The following MYRIP variants were observed in gnomAD, a reference collection of about 807,000 sequenced individuals.
The protein encoded by MYRIP is myosin VIIA and Rab interacting protein.
MYRIP carries 49 observed loss-of-function variants against 98.0 expected under a neutral mutation model. That is an observed-to-expected ratio of 0.50 (90% CI 0.40 to 0.63). The LOEUF (loss-of-function observed/expected upper bound fraction) is 0.63. MYRIP is among the 30% of genes least tolerant of loss of function. The pLI, the probability that MYRIP is intolerant of heterozygous loss-of-function variation, is 0.00. For synonymous variants in MYRIP, 404 were observed against 409.5 expected (o/e 0.99, Z 0.16); for missense variants, 1,004 against 1,058.2 (o/e 0.95, Z 0.71).
intron 2 of MYRIP, among the ~76,000 whole-genome samples, chr3:39,990,583 ATTG>A (rs1946149694): frequency 6.6e-6 from 1 of 152,224 alleles, no homozygotes; most frequent in African/African-American, 2.4e-5. Context: ...GCTGATACTA[ATTG>A]TTGTTACATT....
At chr3:40,015,037 C>T (rs926499534) in intron 2 of MYRIP, among the ~76,000 whole-genome samples, 1 of 152,088 alleles carries the variant, frequency 6.6e-6, no homozygotes, top group Non-Finnish European at 1.5e-5. Flanking sequence ...ATTTGCTTTT[C>T]CTAGTGGGGC....
At position 40,164,866 on chromosome 3, in the gene MYRIP, A is replaced by C. The variant is rs533326342; in HGVS notation, c.551-1980A>C. On this transcript the variant is annotated intron_variant, in intron 5 of 16. Transcript: ENST00000302541. Reference sequence around the variant, plus strand: ...TCCAGGGATCCACACAGATATCTCTATCACACAGATAGTTATGCATATCTC... The same window carrying C: ...TCCAGGGATCCACACAGATATCTCTCTCACACAGATAGTTATGCATATCTC... Among the ~76,000 whole-genome samples the C allele has an allele frequency of 3.7e-4, 56 of 152,330 alleles. No individual in the cohort carries two copies. The South Asian group carries it at 0.011, about 29-fold the overall frequency.
At chr3:40,153,876 T>C (rs911196979) in intron 4 of MYRIP, among the ~76,000 whole-genome samples, 1 of 152,138 alleles carries the variant, frequency 6.6e-6, no homozygotes, top group Non-Finnish European at 1.5e-5. Flanking sequence ...GCACAGTGGC[T>C]CTCGCCTGTA....
chr3:39,958,569 A>G (rs972666816), intron 2 of MYRIP, among the ~76,000 whole-genome samples: 5 of 152,222 alleles, frequency 3.3e-5, no homozygotes, highest in African/African-American at 9.6e-5. Flanking sequence ...CTAAATCCAT[A>G]AAAACCATAG....
chr3:40,135,295 A>C (rs180992615), intron 3 of MYRIP, among the ~76,000 whole-genome samples: 1 of 151,952 alleles, frequency 6.6e-6, no homozygotes, highest in Admixed American at 6.5e-5. Flanking sequence ...GATGGAAGAC[A>C]AAATGAATGA....
At chr3:39,903,828 G>A (rs949219922) in intron 2 of MYRIP, among the ~76,000 whole-genome samples, 2 of 152,152 alleles carry the variant, frequency 1.3e-5, no homozygotes, top group African/African-American at 4.8e-5. Context: ...TCTCCATTAC[G>A]TAGACTGGGT....
intron 5 of MYRIP, among the ~76,000 whole-genome samples, chr3:40,166,585 T>C (rs924411051): frequency 2.0e-5 from 3 of 152,134 alleles, no homozygotes; most frequent in Non-Finnish European, 2.9e-5. Flanking sequence ...AGCTCAGTTA[T>C]GGAGCAAGAG....
At chr3:40,141,431 T>C (rs1308781214) in intron 3 of MYRIP, among the ~76,000 whole-genome samples, 2 of 152,238 alleles carry the variant, frequency 1.3e-5, no homozygotes, top group African/African-American at 4.8e-5. Context: ...GTTTCCTTTG[T>C]TGTGCAGAAG....
intron 2 of MYRIP, among the ~76,000 whole-genome samples, chr3:39,919,693 GGTGTGTGTGTGTGTGTGTGTGTGTGT>G (rs62719862): frequency 7.0e-6 from 1 of 143,266 alleles, no homozygotes; most frequent in Non-Finnish European, 1.5e-5. Flanking sequence ...GGGTATGTGT[GGTGTGTGTGTGTGTGTGTGTGTGTGT>G]GTGTGTGTGA....
At chr3:39,854,579 C>T (rs1055391283) in intron 1 of MYRIP, among the ~76,000 whole-genome samples, 1 of 152,000 alleles carries the variant, frequency 6.6e-6, no homozygotes, top group Non-Finnish European at 1.5e-5. Context: ...AGTTGGTTTT[C>T]CTCTTTCTCT....
chr3:40,210,283 G>A (rs762351234), intron 11 of MYRIP, among the ~76,000 whole-genome samples, 190 bp downstream of exon 11: 1 of 152,178 alleles, frequency 6.6e-6, no homozygotes, highest in South Asian at 2.1e-4. Flanking sequence ...CAGGAAAACA[G>A]CATCATGGAA....
chr3:39,918,306 T>G lies in MYRIP; in HGVS notation c.110+17380T>G, dbSNP rs549545754. 2.2e-3 allele frequency among the ~76,000 whole-genome samples: 331 copies of G among 152,326 alleles called. 2 individuals carry two copies. The highest frequency in any genetic ancestry group is 7.5e-3 in the African/African-American group (311 of 41,556). On this transcript the variant is annotated intron_variant, in intron 2 of 16. Transcript: ENST00000302541. ...TCTATATTTAATCATATTTTCTAAC[T>G]CTGATTATTTAAAGTTAGCAATGGC...
chr3:39,931,832 C>T (rs538104125), intron 2 of MYRIP, among the ~76,000 whole-genome samples: 1 of 152,174 alleles, frequency 6.6e-6, no homozygotes, highest in African/African-American at 2.4e-5. Flanking sequence ...GATGTTATAC[C>T]AATTTTGCAT....
intron 8 of MYRIP, among the ~76,000 whole-genome samples, chr3:40,175,412 A>G (rs972060658): frequency 6.6e-5 from 10 of 152,216 alleles, no homozygotes; most frequent in Non-Finnish European, 1.5e-4. Context: ...ATACCCCAAC[A>G]GCAATGACAG....
chr3:39,809,358 C>A (rs1056063436), upstream of MYRIP, among the ~76,000 whole-genome samples: 110 of 150,328 alleles, frequency 7.3e-4, no homozygotes, highest in Non-Finnish European at 1.4e-3. Context: ...CCGCCCCGGG[C>A]GCGCGCAGCC....
chr3:39,827,983 T>C (rs1487516330), intron 1 of MYRIP, among the ~76,000 whole-genome samples: 1 of 152,168 alleles, frequency 6.6e-6, no homozygotes, highest in African/African-American at 2.4e-5. Context: ...CCCTTATATG[T>C]GACTTGATGC....
chr3:40,042,893 T>G (rs1947573523), intron 2 of MYRIP, among the ~76,000 whole-genome samples: 1 of 152,142 alleles, frequency 6.6e-6, no homozygotes, highest in African/African-American at 2.4e-5. Context: ...CCCAGAACAC[T>G]TACATTAGCC....
chr3:39,851,541 A>G (rs1942130349), intron 1 of MYRIP, among the ~76,000 whole-genome samples: 1 of 152,190 alleles, frequency 6.6e-6, no homozygotes, highest in South Asian at 2.1e-4. Flanking sequence ...GTCACCAAGT[A>G]TGGCCAACAG....
chr3:39,924,480 T>G (rs1006985034), intron 2 of MYRIP, among the ~76,000 whole-genome samples: 8 of 151,964 alleles, frequency 5.3e-5, no homozygotes, highest in Admixed American at 2.6e-4. Context: ...TGAAAATATG[T>G]AAAATTTAAA....
Sources: gnomAD v4.1 joint callset for allele counts (sites outside exome capture counted in the v4.1 genomes callset) on GRCh38, gnomAD v4.1.1 for gene constraint, MANE v1.5 for transcripts, NCBI Gene and HGNC (gene_info 2026-07-23, HGNC 2026-07-21) for gene names.